ZNF385D: variants seen among roughly 807,000 people sequenced by gnomAD.
ZNF385D encodes zinc finger protein 385D, also known as zinc finger protein 659.
A neutral mutation model predicts 35.8 loss-of-function variants in ZNF385D; 15 were observed. That is an observed-to-expected ratio of 0.42 (90% CI 0.28 to 0.64). The LOEUF (loss-of-function observed/expected upper bound fraction) is 0.64. ZNF385D is among the 30% of genes least tolerant of loss of function. The pLI is 0.23. For missense variants in ZNF385D, 474 were observed against 494.6 expected (o/e 0.96, Z 0.39); for synonymous variants, 212 against 186.8 (o/e 1.13, Z -1.10).
intron 4 of ZNF385D, among the ~76,000 whole-genome samples, chr3:21,458,268 T>C (rs549320454): frequency 4.1e-4 from 62 of 150,690 alleles, no homozygotes; most frequent in African/African-American, 1.5e-3. Context: ...AGCCCAAGAG[T>C]TCGAGACCAG....
Position 22,143,248 on chromosome 3 carries a change from A to G in ZNF385D, c.325+25569T>C, listed in dbSNP as rs188712402. Among the ~76,000 whole-genome samples the G allele has an allele frequency of 5.2e-4, 79 of 151,962 alleles. 1 individual carries two copies. Among genetic ancestry groups the G allele is most frequent in the African/African-American group, 1.9e-3 (78 of 41,438 alleles). On this transcript the variant is annotated intron_variant, in intron 3 of 5. Transcript: ENST00000494108. ...CAGGCGCCCACCACCACGCCTGGCT[A>G]ATTTTTTTGTTTGTTTTAGTAGAGA... is the stretch of plus-strand genomic sequence containing the variant.
At position 21,981,996 on chromosome 3, in the gene ZNF385D, T is replaced by C. The variant is rs369896910; in HGVS notation, c.325+186821A>G. Among the ~76,000 whole-genome samples, 23 of 152,242 alleles carry C rather than the reference T, an allele frequency of 1.5e-4. No homozygotes were observed. In the East Asian group the frequency reaches 3.5e-3, roughly 23 times the overall value. On this transcript the variant is annotated intron_variant, in intron 3 of 5. Coordinates refer to the ZNF385D transcript ENST00000494108. ...TAGTATAGTTTGAAGTCAGGTAACA[T>C]GATGCCTCCAGCTTTGTTCTTTGTG...
At chr3:21,796,701 G>C (rs1196625333) in intron 3 of ZNF385D, among the ~76,000 whole-genome samples, 1 of 152,136 alleles carries the variant, frequency 6.6e-6, no homozygotes, top group Non-Finnish European at 1.5e-5. Context: ...CATGACATTT[G>C]GGTTTGATGA....
intron 3 of ZNF385D, among the ~76,000 whole-genome samples, chr3:22,110,356 C>T (rs569429182): frequency 2.6e-5 from 4 of 151,850 alleles, no homozygotes; most frequent in Admixed American, 2.0e-4. Context: ...TATTGCGGCA[C>T]TATTCACAAT....
chr3:21,455,508 G>A (rs1702745561), intron 4 of ZNF385D, among the ~76,000 whole-genome samples: 1 of 152,126 alleles, frequency 6.6e-6, no homozygotes, highest in South Asian at 2.1e-4. Context: ...TTTAATAAAT[G>A]GTGCTGGGAA....
chr3:21,596,463 T>C (rs1303283116), intron 2 of ZNF385D, among the ~76,000 whole-genome samples: 1 of 152,066 alleles, frequency 6.6e-6, no homozygotes, highest in Non-Finnish European at 1.5e-5. Context: ...AAATATATTC[T>C]CATTTTTTGA....
intron 3 of ZNF385D, among the ~76,000 whole-genome samples, chr3:21,825,821 T>G (rs927736998): frequency 2.0e-5 from 3 of 152,198 alleles, no homozygotes; most frequent in African/African-American, 4.8e-5. Context: ...CCTCGCTTGT[T>G]AGGAACCAGG....
At chr3:21,897,370 T>A (rs1419876123) in intron 3 of ZNF385D, among the ~76,000 whole-genome samples, 2 of 152,106 alleles carry the variant, frequency 1.3e-5, no homozygotes, top group Non-Finnish European at 2.9e-5. Flanking sequence ...ACACAGGAGA[T>A]CCAATGTGCT....
chr3:21,706,085 T>C (rs1310404509), intron 1 of ZNF385D, among the ~76,000 whole-genome samples: 1 of 152,200 alleles, frequency 6.6e-6, no homozygotes, highest in Non-Finnish European at 1.5e-5. Context: ...CTCACTCTCA[T>C]ATGTCTTGTC....
intron 3 of ZNF385D, among the ~76,000 whole-genome samples, chr3:21,851,369 A>C (rs1210876549): frequency 6.6e-6 from 1 of 152,024 alleles, no homozygotes; most frequent in East Asian, 1.9e-4. Flanking sequence ...ACTTCTTGGA[A>C]AGTTAAATAT....
chr3:21,811,783 T>A (rs569464148), intron 3 of ZNF385D, among the ~76,000 whole-genome samples: 1 of 152,340 alleles, frequency 6.6e-6, no homozygotes, highest in East Asian at 1.9e-4. Context: ...CAGCACCATT[T>A]TGCAAGCCCT....
At chr3:22,296,653 G>A (rs1702597568) in intron 2 of ZNF385D, among the ~76,000 whole-genome samples, 1 of 152,082 alleles carries the variant, frequency 6.6e-6, no homozygotes, top group Non-Finnish European at 1.5e-5. Context: ...TCAGCTAGTG[G>A]TTTTCACTTG....
At chr3:21,482,504 G>A (rs916433107) in intron 4 of ZNF385D, among the ~76,000 whole-genome samples, 1 of 152,148 alleles carries the variant, frequency 6.6e-6, no homozygotes, top group African/African-American at 2.4e-5. Flanking sequence ...GGTCACTGAA[G>A]TTCAGGCCAA....
chr3:22,105,334 T>A (rs1702149808), intron 3 of ZNF385D, among the ~76,000 whole-genome samples: 1 of 151,994 alleles, frequency 6.6e-6, no homozygotes, highest in South Asian at 2.1e-4. Context: ...TCAGTTGTAT[T>A]AGTCAGGACT....
chr3:22,246,035 C>G (rs1457514427), intron 2 of ZNF385D, among the ~76,000 whole-genome samples: 2 of 152,144 alleles, frequency 1.3e-5, no homozygotes, highest in African/African-American at 4.8e-5. Context: ...GCTTTCTAGA[C>G]ACACAACATT....
At chr3:21,670,277 C>G (rs1038205914) in intron 1 of ZNF385D, among the ~76,000 whole-genome samples, 2 of 151,402 alleles carry the variant, frequency 1.3e-5, no homozygotes, top group Middle Eastern at 3.2e-3. Flanking sequence ...AATATATATG[C>G]ACTTATTTAT....
chr3:21,495,104 T>TTAC (rs1705727875), intron 4 of ZNF385D, among the ~76,000 whole-genome samples: 1 of 152,136 alleles, frequency 6.6e-6, no homozygotes, highest in Non-Finnish European at 1.5e-5. Context: ...ATCTCATATA[T>TTAC]TACAACAATA....
chr3:21,677,667 T>C (rs1329970755), intron 1 of ZNF385D, among the ~76,000 whole-genome samples: 3 of 152,018 alleles, frequency 2.0e-5, no homozygotes, highest in Admixed American at 1.3e-4. Flanking sequence ...GGGGATCATA[T>C]AGACTGAATT....
chr3:22,044,092 A>T, intron 3 of ZNF385D, among the ~76,000 whole-genome samples: 1 of 106,662 alleles, frequency 9.4e-6, no homozygotes, highest in Non-Finnish European at 2.0e-5. Flanking sequence ...CCTGGGAAAA[A>T]CTTTTTTTTT....
Sources: gnomAD v4.1 joint callset for allele counts (sites outside exome capture counted in the v4.1 genomes callset) on GRCh38, gnomAD v4.1.1 for gene constraint, MANE v1.5 for transcripts, NCBI Gene and HGNC (gene_info 2026-07-23, HGNC 2026-07-21) for gene names.